ALK: variants seen among roughly 807,000 people sequenced by gnomAD.
The protein encoded by ALK is ALK tyrosine kinase receptor.
Under a neutral mutation model 163.1 loss-of-function variants are expected in ALK, and 74 were observed. The ratio of observed to expected loss-of-function variants is 0.45; its 90% CI spans 0.38 to 0.55. The LOEUF (loss-of-function observed/expected upper bound fraction) is 0.55. Among genes scored for constraint, ALK ranks in the 20% least tolerant of loss-of-function variants. The pLI is 0.00. For missense variants in ALK, 2,063 were observed against 2,105.3 expected (o/e 0.98, Z 0.39); for synonymous variants, 960 against 843.2 (o/e 1.14, Z -2.40).
chr2:29,377,917 A>G (rs560713366), intron 5 of ALK, among the ~76,000 whole-genome samples: 54 of 152,358 alleles, frequency 3.5e-4, no homozygotes, highest in Non-Finnish European at 6.5e-4. Flanking sequence ...AGCAATGTGT[A>G]TGAAATTATC....
At chr2:29,500,580 C>T (rs565502503) in intron 4 of ALK, among the ~76,000 whole-genome samples, 1 of 151,908 alleles carries the variant, frequency 6.6e-6, no homozygotes, top group African/African-American at 2.4e-5. Context: ...TTTCTGGAAC[C>T]ATCCCTTTAT....
rs1165338412 is a variant in ALK, at chr2:29,421,404, A to ACCACTCATT, written c.1155-37546_1155-37545insAATGAGTGG. Among the ~76,000 whole-genome samples, 2 of 151,442 alleles carry ACCACTCATT rather than the reference A, an allele frequency of 1.3e-5. 1 individual carries two copies. Among genetic ancestry groups the ACCACTCATT allele is most frequent in the African/African-American group, 4.9e-5 (2 of 40,752 alleles). ...AGCACAATGTGTACTCATTCATTCCACATTTGTTGAGCACCTATCACGTGT... is the reference window on the plus strand; with the variant it reads ...AGCACAATGTGTACTCATTCATTCCACCACTCATTCATTTGTTGAGCACCTATCACGTGT... On this transcript the variant is annotated intron_variant, in intron 4 of 28. Coordinates refer to ENST00000389048, the MANE Select transcript of ALK (RefSeq NM_004304.5).
chr2:29,574,678 T>C (rs1010809616), intron 3 of ALK, among the ~76,000 whole-genome samples: 6 of 152,258 alleles, frequency 3.9e-5, no homozygotes, highest in African/African-American at 9.6e-5. Context: ...ACAAGTTCCC[T>C]AGACTTGCTT....
intron 1 of ALK, among the ~76,000 whole-genome samples, chr2:29,740,285 G>A (rs982815655): frequency 2.0e-5 from 3 of 151,922 alleles, no homozygotes; most frequent in Non-Finnish European, 2.9e-5. Context: ...GTAGGAGAGC[G>A]GATATTTATT....
chr2:29,296,537 G>A (rs1191565019), intron 9 of ALK, among the ~76,000 whole-genome samples: 1 of 152,240 alleles, frequency 6.6e-6, no homozygotes, highest in Non-Finnish European at 1.5e-5. Flanking sequence ...TCATATAAGA[G>A]AACATGCTAT....
At chr2:29,590,192 G>T (rs1194642841) in intron 3 of ALK, among the ~76,000 whole-genome samples, 1 of 152,070 alleles carries the variant, frequency 6.6e-6, no homozygotes, top group East Asian at 1.9e-4. Context: ...TCCTAATCAC[G>T]CAACTATTTA....
At chr2:29,341,416 C>G (rs1439084385) in intron 5 of ALK, among the ~76,000 whole-genome samples, 1 of 152,202 alleles carries the variant, frequency 6.6e-6, no homozygotes. Flanking sequence ...AGAGTGATGG[C>G]TGATTCACAG....
rs529485406 is a variant in ALK, at chr2:29,875,587, C to T, written c.667+44406G>A. ...TCCTAATGCTCTCCCTCTCCTTGTC[C>T]CCTACCCCCGACAGGCCCCGGCGTG... On this transcript the variant is annotated intron_variant, in intron 1 of 28. Coordinates refer to ENST00000389048, the MANE Select transcript of ALK (RefSeq NM_004304.5). 1.2e-4 allele frequency among the ~76,000 whole-genome samples: 18 copies of T among 152,138 alleles called. No homozygotes were observed. The South Asian group carries it at 3.3e-3, about 28-fold the overall frequency.
Position 29,193,550 on chromosome 2 carries a change from C to G in ALK, c.4537G>C (p.Glu1513Gln), listed in dbSNP as rs374733353. 6.2e-7 allele frequency: 1 copy of G among 1,614,218 alleles called. No individual in the cohort carries two copies. The highest frequency in any genetic ancestry group is 1.3e-5 in the African/African-American group (1 of 75,046). The stretch of plus-strand genomic sequence containing the variant: ...GGATTATTCTTTTTGGTGGGTTTCT[C>G]TGTAAACCAGGAGCCGTACGTTGGG... ...WNPTYGSWFT[E>Q]KPTKKNNPIA... Residue 1513 changes from glutamate (E) to glutamine (Q), a missense_variant, in exon 29 of 29, where the codon GAG becomes CAG. Transcript: ENST00000389048.
chr2:29,236,275 C>G (rs1439442803), intron 13 of ALK, among the ~76,000 whole-genome samples: 1 of 152,052 alleles, frequency 6.6e-6, no homozygotes, highest in Non-Finnish European at 1.5e-5. Context: ...CTGAGAAGGT[C>G]CACCCCGTCG....
In ALK at chr2:29,222,592, G is replaced by T. The variant is rs3795850; in HGVS notation, c.3375C>A (p.Gly1125=). 0.25 allele frequency: 409,021 copies of T among 1,612,654 alleles called. 63,150 individuals are homozygous for T. Among genetic ancestry groups the T allele is most frequent in the East Asian group, 0.72 (32,232 of 44,814 alleles). Residue 1125 remains glycine, a synonymous_variant, in exon 21 of 29, where the codon GGC becomes GGA. Coordinates refer to ENST00000389048, the MANE Select transcript of ALK (RefSeq NM_004304.5). ...GGCCTTCATACACCTCCCCAAAGGCGCCATGGCCCAGACCCCTGTGCAAAG... is the reference window on the plus strand; with the variant it reads ...GGCCTTCATACACCTCCCCAAAGGCTCCATGGCCCAGACCCCTGTGCAAAG... ...NITLIRGLGH[G]AFGEVYEGQV... is the part of the protein sequence containing the mutation.
chr2:29,368,210 G>A (rs1382886497), intron 5 of ALK, among the ~76,000 whole-genome samples: 1 of 152,194 alleles, frequency 6.6e-6, no homozygotes, highest in Non-Finnish European at 1.5e-5. Flanking sequence ...TTTGCAGACA[G>A]AACACTGGGC....
At chr2:29,266,155 T>C (rs1242353462) in intron 11 of ALK, among the ~76,000 whole-genome samples, 1 of 152,224 alleles carries the variant, frequency 6.6e-6, no homozygotes, top group East Asian at 1.9e-4. Flanking sequence ...TTTTAAATTC[T>C]ACGGATGAGA....
chr2:29,335,333 C>T (rs1373964417), intron 5 of ALK, among the ~76,000 whole-genome samples: 1 of 152,120 alleles, frequency 6.6e-6, no homozygotes, highest in African/African-American at 2.4e-5. Flanking sequence ...CAGGGGGTTA[C>T]CTTTATATAG....
chr2:29,317,922 A>T (rs1459363256), intron 8 of ALK, among the ~76,000 whole-genome samples: 1 of 152,210 alleles, frequency 6.6e-6, no homozygotes, highest in Admixed American at 6.5e-5. Flanking sequence ...TGTAAATCAA[A>T]TTTTTGAGGA....
chr2:29,631,518 G>T (rs1676374780), intron 3 of ALK, among the ~76,000 whole-genome samples: 1 of 152,232 alleles, frequency 6.6e-6, no homozygotes, highest in Non-Finnish European at 1.5e-5. Context: ...GCTGACACAG[G>T]ACTGGAACAG....
chr2:29,564,806 T>C (rs1399938974), intron 3 of ALK, among the ~76,000 whole-genome samples: 3 of 152,146 alleles, frequency 2.0e-5, no homozygotes, highest in Non-Finnish European at 2.9e-5. Flanking sequence ...TTGCTTTATT[T>C]TTAGTGTGTT....
At chr2:29,580,648 T>A (rs894420583) in intron 3 of ALK, among the ~76,000 whole-genome samples, 1 of 152,176 alleles carries the variant, frequency 6.6e-6, no homozygotes, top group Non-Finnish European at 1.5e-5. Context: ...GTGGCACCGA[T>A]CATGTAGGTG....
chr2:29,239,146 C>T (rs567466580), intron 13 of ALK, among the ~76,000 whole-genome samples: 1 of 152,162 alleles, frequency 6.6e-6, no homozygotes, highest in Non-Finnish European at 1.5e-5. Flanking sequence ...TCACCTTAAC[C>T]CCGAAGGAGC....
Sources: allele counts gnomAD v4.1 joint callset (sites outside exome capture counted in the v4.1 genomes callset), GRCh38; gene constraint gnomAD v4.1.1; transcripts MANE v1.5; gene names NCBI Gene and HGNC (gene_info 2026-07-23, HGNC 2026-07-21).